Variants in DIAPH2 observed in about 807,000 individuals in gnomAD.
The protein encoded by DIAPH2 is protein diaphanous homolog 2.
Under a neutral mutation model 92.7 loss-of-function variants are expected in DIAPH2, and 35 were observed. The ratio of observed to expected loss-of-function variants is 0.38; its 90% CI spans 0.29 to 0.50. The LOEUF (loss-of-function observed/expected upper bound fraction) is 0.50, where lower values mean the gene tolerates loss of function less well. Ranked by LOEUF, DIAPH2 falls within the 20% of genes least tolerant of loss-of-function variation. The probability of loss-of-function intolerance (pLI) is 0.94; values close to 1 mark genes in which losing one functional copy is unlikely to be tolerated. For missense variants in DIAPH2, 701 were observed against 819.5 expected (o/e 0.86, Z 1.77); for synonymous variants, 301 against 280.4 (o/e 1.07, Z -0.73).
intron 17 of DIAPH2, among the ~76,000 whole-genome samples, chrX:97,057,264 A>T (rs1387316646): frequency 9.0e-6 from 1 of 111,575 alleles, no homozygotes; most frequent in African/African-American, 3.3e-5. Context: ...AAGGCTAGTG[A>T]CTTGTTTCCT....
intron 20 of DIAPH2, among the ~76,000 whole-genome samples, chrX:97,109,437 C>G (rs1233967098): frequency 4.5e-5 from 5 of 111,510 alleles, no homozygotes; most frequent in Non-Finnish European, 9.4e-5. Context: ...AGTAAAGTGA[C>G]AGAAGTGTGG....
chrX:96,982,892 C>T (rs1200823209), intron 17 of DIAPH2, among the ~76,000 whole-genome samples: 1 of 111,573 alleles, frequency 9.0e-6, no homozygotes, highest in Non-Finnish European at 1.9e-5. Context: ...TACACAGACT[C>T]ATCAGAAATT....
chrX:97,341,808 G>T (rs965730618), intron 23 of DIAPH2, among the ~76,000 whole-genome samples: 3 of 111,403 alleles, frequency 2.7e-5, no homozygotes, highest in Admixed American at 1.9e-4. Flanking sequence ...CAACAAATTG[G>T]ATCATTTCCC....
At chrX:97,161,053 T>TG (rs1474920455) in intron 22 of DIAPH2, among the ~76,000 whole-genome samples, 6 of 93,363 alleles carry the variant, frequency 6.4e-5, no homozygotes, top group African/African-American at 2.1e-4. Context: ...GTTTTTTTGT[T>TG]TTTTTTTTTT....
At chrX:97,312,909 T>C (rs2068808668) in intron 23 of DIAPH2, among the ~76,000 whole-genome samples, 1 of 110,483 alleles carries the variant, frequency 9.1e-6, no homozygotes, top group African/African-American at 3.3e-5. Flanking sequence ...CTGGGCGCGG[T>C]GGCTCACACC....
chrX:96,712,139 ATCT>A (rs1199468970), intron 1 of DIAPH2, among the ~76,000 whole-genome samples: 1 of 110,695 alleles, frequency 9.0e-6, no homozygotes, highest in Non-Finnish European at 1.9e-5. Flanking sequence ...TGTATCTGTC[ATCT>A]TCTCTGTCAT....
intron 26 of DIAPH2, among the ~76,000 whole-genome samples, chrX:97,586,597 C>A (rs1349447029): frequency 9.0e-6 from 1 of 111,678 alleles, no homozygotes; most frequent in Non-Finnish European, 1.9e-5. Flanking sequence ...CATCTTCACA[C>A]ACACTTTTTT....
intron 23 of DIAPH2, among the ~76,000 whole-genome samples, chrX:97,270,969 T>C (rs151219382): frequency 0.012 from 1,377 of 111,157 alleles, 20 homozygotes; most frequent in African/African-American, 0.043. Context: ...GCAGAGAAAA[T>C]GAATAGCACC....
intron 26 of DIAPH2, among the ~76,000 whole-genome samples, chrX:97,483,302 C>T (rs762626724): frequency 3.6e-5 from 4 of 110,860 alleles, no homozygotes; most frequent in Non-Finnish European, 7.5e-5. Context: ...AATAATGAAG[C>T]TTGTCCTTAG....
chrX:97,528,347 G>A (rs1353544225), intron 26 of DIAPH2: 1 of 112,013 alleles, frequency 8.9e-6, no homozygotes, highest in Non-Finnish European at 1.9e-5. Flanking sequence ...TGCTATAAAG[G>A]AATACCTGAG....
At chrX:97,430,650 C>G (rs1280475993) in intron 26 of DIAPH2, among the ~76,000 whole-genome samples, 1 of 112,376 alleles carries the variant, frequency 8.9e-6, no homozygotes, top group Admixed American at 9.4e-5. Flanking sequence ...AAATAGCCTG[C>G]AATTCCAAAA....
intron 26 of DIAPH2, among the ~76,000 whole-genome samples, chrX:97,541,899 G>T (rs367634944): frequency 8.9e-6 from 1 of 112,737 alleles, no homozygotes; most frequent in East Asian, 2.8e-4. Context: ...CCTCCTAGGA[G>T]AAATAAAAAT....
chrX:97,353,282 G>A (rs565161599), intron 24 of DIAPH2, among the ~76,000 whole-genome samples: 1 of 109,787 alleles, frequency 9.1e-6, no homozygotes, highest in South Asian at 3.8e-4. Flanking sequence ...GAGATATTTT[G>A]AATAGAATAT....
At chrX:97,092,666 A>G (rs1398834126) in intron 19 of DIAPH2, among the ~76,000 whole-genome samples, 2 of 111,847 alleles carry the variant, frequency 1.8e-5, no homozygotes, top group Non-Finnish European at 3.8e-5. Flanking sequence ...TATTATAAAT[A>G]TTTTGAACTA....
chrX:97,030,415 A>G (rs1231382274), intron 17 of DIAPH2, among the ~76,000 whole-genome samples: 2 of 111,627 alleles, frequency 1.8e-5, no homozygotes, highest in Non-Finnish European at 3.8e-5. Flanking sequence ...TAATAATTGG[A>G]TGGTTATGTT....
chrX:97,342,304 C>T, intron 23 of DIAPH2, among the ~76,000 whole-genome samples: 1 of 112,097 alleles, frequency 8.9e-6, no homozygotes, highest in Admixed American at 9.5e-5. Context: ...TCAGTGGTGT[C>T]ATCCTATGCA....
chrX:97,203,478 GAT>G (rs1450977329), intron 22 of DIAPH2, among the ~76,000 whole-genome samples: 1 of 111,527 alleles, frequency 9.0e-6, no homozygotes, highest in East Asian at 2.8e-4. Context: ...AATAAAAAAA[GAT>G]AAAGGCGATA....
At chrX:96,918,320 TC>T (rs936415853) in intron 8 of DIAPH2, among the ~76,000 whole-genome samples, 188 bp from the exon 9 acceptor site, 1 of 111,677 alleles carries the variant, frequency 9.0e-6, no homozygotes, top group Non-Finnish European at 1.9e-5. Context: ...ATTTAGCCAT[TC>T]CAGTATGTAT....
At chrX:97,175,847 A>G (rs1316098621) in intron 22 of DIAPH2, among the ~76,000 whole-genome samples, 1 of 112,042 alleles carries the variant, frequency 8.9e-6, no homozygotes, top group Non-Finnish European at 1.9e-5. Context: ...TTTACAGACG[A>G]ATGATACGTG....
Sources: allele counts gnomAD v4.1 joint callset (sites outside exome capture counted in the v4.1 genomes callset), GRCh38; gene constraint gnomAD v4.1.1; transcripts MANE v1.5; gene names NCBI Gene and HGNC (gene_info 2026-07-23, HGNC 2026-07-21).